TEAD4: variants seen among roughly 807,000 people sequenced by gnomAD.
The protein encoded by TEAD4 is TEA domain transcription factor 4, also known as transcriptional enhancer factor TEF-3.
In TEAD4, 36 loss-of-function variants were observed where a neutral mutation model predicts 52.4. That is an observed-to-expected ratio of 0.69 (90% confidence interval 0.53 to 0.91). TEAD4 has a LOEUF of 0.91. TEAD4 is among the 40% of genes least tolerant of loss of function. The pLI is 0.00. For synonymous variants in TEAD4, 220 were observed against 231.0 expected, an observed-to-expected ratio of 0.95 and a Z score of 0.43; for missense variants, 508 against 583.9, an observed-to-expected ratio of 0.87 and a Z score of 1.34.
rs1042609366 is a variant in TEAD4 at position 3,003,272 on chromosome 12, C to T, written c.227-7732C>T. On this transcript the variant is annotated intron_variant, in intron 3 of 12. Coordinates refer to ENST00000359864, the MANE Select transcript of TEAD4 (RefSeq NM_003213.4). Reference sequence around the variant, plus strand: ...TTCAAGTTTGAAAGCTAATAGCATTCGTTATAATAGGGCTTCGTTAACAAT... The same window carrying T: ...TTCAAGTTTGAAAGCTAATAGCATTTGTTATAATAGGGCTTCGTTAACAAT... 1.3e-5 allele frequency among the ~76,000 whole-genome samples: 2 copies of T among 152,170 alleles called. 1 individual carries two copies. Among genetic ancestry groups the T allele is most frequent in the Non-Finnish European group, 2.9e-5 (2 of 68,030 alleles).
intron 2 of TEAD4, among the ~76,000 whole-genome samples, chr12:2,986,687 A>T (rs910908377): frequency 6.6e-6 from 1 of 151,984 alleles, no homozygotes; most frequent in Non-Finnish European, 1.5e-5. Context: ...ATAAAAAGAG[A>T]CGACAAAAAG....
At chr12:3,000,723 G>A (rs762221229) in intron 3 of TEAD4, among the ~76,000 whole-genome samples, 1 of 152,190 alleles carries the variant, frequency 6.6e-6, no homozygotes, top group Non-Finnish European at 1.5e-5. Context: ...TTCACATGGT[G>A]GGTTTGGGGG....
chr12:2,983,166 GATTA>G (rs1267883594), intron 2 of TEAD4, among the ~76,000 whole-genome samples: 5 of 152,152 alleles, frequency 3.3e-5, no homozygotes, highest in Non-Finnish European at 7.3e-5. Flanking sequence ...GTATTAAAAT[GATTA>G]ATTAATTAAG....
intron 2 of TEAD4, among the ~76,000 whole-genome samples, chr12:2,984,685 C>T (rs1416351180): frequency 6.6e-6 from 1 of 152,190 alleles, no homozygotes; most frequent in Non-Finnish European, 1.5e-5. Flanking sequence ...TAAATCTGTA[C>T]AGCATGTGAC....
intron 2 of TEAD4, among the ~76,000 whole-genome samples, chr12:2,975,070 T>A (rs2098228386): frequency 6.6e-6 from 1 of 151,954 alleles, no homozygotes; most frequent in Non-Finnish European, 1.5e-5. Context: ...ACTTTTAAAA[T>A]TTTGTATTTA....
intron 2 of TEAD4, among the ~76,000 whole-genome samples, chr12:2,974,854 C>T (rs912143940): frequency 4.6e-5 from 7 of 152,120 alleles, no homozygotes; most frequent in Non-Finnish European, 1.0e-4. Context: ...AAACCCACCC[C>T]CGAGGCTGAG....
chr12:3,012,217 C>G lies in TEAD4; in HGVS notation c.339C>G (p.Ile113Met), dbSNP rs1565542235. The G allele has an allele frequency of 6.2e-7, 1 of 1,614,090 alleles. No homozygotes were observed. The highest frequency in any genetic ancestry group is 8.5e-7 in the Non-Finnish European group (1 of 1,179,982). The stretch of plus-strand genomic sequence containing the variant: ...TGGCTCGTCGCAAAGCTCGCGAGAT[C>G]CAGGCCAAGCTAAAGGTAAGGAAAC... Residue 113 changes from isoleucine (I) to methionine (M), a missense_variant, in exon 5 of 13, where the codon ATC (isoleucine) becomes ATG (methionine). By Grantham distance (10) the Ile-to-Met change is conservative. Transcript: ENST00000359864.
chr12:3,012,233 G>A lies in TEAD4; in HGVS notation c.354+1G>A. 1 of 1,614,042 alleles carries A rather than the reference G, an allele frequency of 6.2e-7. No homozygotes were observed. Among genetic ancestry groups the A allele is most frequent in the Non-Finnish European group, 8.5e-7 (1 of 1,179,964 alleles). ...TCGCGAGATCCAGGCCAAGCTAAAG[G>A]TAAGGAAACTGCAGTGGGGGTGCTG... On this transcript the variant is annotated splice_donor_variant, in intron 5 of 12. Coordinates refer to ENST00000359864, the MANE Select transcript of TEAD4 (RefSeq NM_003213.4). LOFTEE classifies it high-confidence loss of function.
chr12:2,959,787 G>A lies in TEAD4; in HGVS notation c.-122-161G>A, dbSNP rs1028929520. Reference sequence around the variant, plus strand: ...CGTGTTTTCCCGTCAGTCCCATTCTGGGAAAACTCCTCCCTCCGCGCGCTC... The same window carrying A: ...CGTGTTTTCCCGTCAGTCCCATTCTAGGAAAACTCCTCCCTCCGCGCGCTC... On this transcript the variant is annotated intron_variant, in intron 1 of 12. Transcript: ENST00000359864. This position sits in a 1 kb window ranked among gnomAD's most constrained non-coding sequence, Gnocchi z 5.1. 1 of 150,350 alleles carries A rather than the reference G, an allele frequency of 6.7e-6. No individual in the cohort carries two copies. The highest frequency in any genetic ancestry group is 2.5e-5 in the African/African-American group (1 of 40,472). 9.3% of individuals were successfully genotyped at this position (150,350 alleles called of 1,614,324 possible).
At chr12:3,017,039 ATAT>A (rs993521019) in intron 5 of TEAD4, 4 of 465,994 alleles carry the variant, frequency 8.6e-6, no homozygotes, top group African/African-American at 7.9e-5. Context: ...GATCCAGCAG[ATAT>A]TCATGCATCG....
At chr12:2,973,687 G>A (rs987360297) in intron 2 of TEAD4, among the ~76,000 whole-genome samples, 8 of 152,306 alleles carry the variant, frequency 5.3e-5, no homozygotes, top group African/African-American at 1.2e-4. Context: ...TTGGTTTGCC[G>A]GGCATCCTTC....
chr12:2,968,432 C>T (rs1184768208), intron 2 of TEAD4, among the ~76,000 whole-genome samples: 1 of 103,516 alleles, frequency 9.7e-6, no homozygotes, highest in Admixed American at 1.5e-4. Flanking sequence ...GGTCTTAACT[C>T]TGTCACCCAG....
At chr12:3,027,973 G>T (rs776892858) in intron 10 of TEAD4, among the ~76,000 whole-genome samples, 9 of 152,146 alleles carry the variant, frequency 5.9e-5, no homozygotes, top group Non-Finnish European at 1.0e-4. Context: ...AATAAGCCCT[G>T]TTCCCTTTAG....
Position 2,994,892 on chromosome 12 carries a change from G to A in TEAD4, c.126G>A (p.Val42=), listed in dbSNP as rs766101213. Residue 42 remains valine, a synonymous_variant, in exon 3 of 13, where the codon GTG becomes GTA. Coordinates refer to ENST00000359864, the MANE Select transcript of TEAD4 (RefSeq NM_003213.4). The surrounding 1 kb of genome is among the most constrained non-coding windows in gnomAD (Gnocchi z 4.7). ...CCATCGACAATGACGCAGAGGGCGT[G>A]TGGAGCCCGGATATTGAGCAGAGTT... 6.2e-7 allele frequency: 1 copy of A among 1,614,182 alleles called. No homozygotes were observed. The highest frequency in any genetic ancestry group is 8.5e-7 in the Non-Finnish European group (1 of 1,180,042).
intron 2 of TEAD4, among the ~76,000 whole-genome samples, chr12:2,987,903 A>C (rs1185514984): frequency 6.6e-6 from 1 of 151,362 alleles, no homozygotes; most frequent in Non-Finnish European, 1.5e-5. Context: ...TGTCTCTACT[A>C]AAAATATAAA....
chr12:2,988,028 A>G (rs1184639173), intron 2 of TEAD4, among the ~76,000 whole-genome samples: 1 of 151,582 alleles, frequency 6.6e-6, no homozygotes, highest in East Asian at 2.0e-4. Context: ...AGATCACGCC[A>G]CTGCACTCCA....
chr12:3,019,287 A>G, intron 8 of TEAD4, 117 bp downstream of exon 8: 1 of 1,123,730 alleles, frequency 8.9e-7, no homozygotes, highest in Middle Eastern at 2.6e-4. Context: ...CCCGTCATGC[A>G]CACTGACCAC....
At chr12:2,970,098 T>C (rs1045923805) in intron 2 of TEAD4, among the ~76,000 whole-genome samples, 1 of 152,146 alleles carries the variant, frequency 6.6e-6, no homozygotes, top group Admixed American at 6.6e-5. Context: ...GTAAAATGCA[T>C]TGTAATAATA....
chr12:3,017,021 C>T (rs1403676263), intron 5 of TEAD4: 25 of 456,076 alleles, frequency 5.5e-5, no homozygotes, highest in Non-Finnish European at 7.5e-5. Flanking sequence ...CCTGTGCACT[C>T]GAGGAGGGAT....
Sources: gnomAD v4.1 joint callset for allele counts (sites outside exome capture counted in the v4.1 genomes callset) on GRCh38, gnomAD v4.1.1 for gene constraint, Gnocchi (gnomAD v3.1) non-coding constraint, MANE v1.5 for transcripts, NCBI Gene and HGNC (gene_info 2026-07-23, HGNC 2026-07-21) for gene names.